PTPRD: variants seen among roughly 807,000 people sequenced by gnomAD.
PTPRD encodes receptor-type tyrosine-protein phosphatase delta.
A neutral mutation model predicts 214.5 loss-of-function variants in PTPRD; 34 were observed. The observed-to-expected ratio is 0.16, with a 90% CI of 0.12 to 0.21. PTPRD has a LOEUF of 0.21. Ranked by LOEUF, PTPRD falls within the 10% of genes least tolerant of loss-of-function variation. The pLI is 1.00. For synonymous variants in PTPRD, 1,128 were observed against 845.7 expected (o/e 1.33, Z -5.79); for missense variants, 2,545 against 2,398.7 (o/e 1.06, Z -1.27).
chr9:10,281,654 T>C (rs560174505), intron 3 of PTPRD, among the ~76,000 whole-genome samples: 1 of 152,318 alleles, frequency 6.6e-6, no homozygotes, highest in South Asian at 2.1e-4. Flanking sequence ...TAATAGACCA[T>C]ACATATGTAA....
At chr9:8,776,887 ATAT>A (rs1447388282) in intron 11 of PTPRD, among the ~76,000 whole-genome samples, 2 of 135,232 alleles carry the variant, frequency 1.5e-5, no homozygotes, top group Admixed American at 7.8e-5. Context: ...TAGTATATGA[ATAT>A]TATATAATAC....
intron 7 of PTPRD, among the ~76,000 whole-genome samples, chr9:9,603,142 T>G (rs551883269): frequency 6.6e-6 from 1 of 152,044 alleles, no homozygotes; most frequent in African/African-American, 2.4e-5. Flanking sequence ...AATGCATAAG[T>G]GAGATAAATT....
Position 8,407,491 on chromosome 9 carries a change from G to A in PTPRD, c.4087-2831C>T, listed in dbSNP as rs562033706. Reference sequence around the variant, plus strand: ...GTCTGTGTGATTCCAAAGCTCAACTGATAATTAACAGCTGGTAACGACTAA... The same window carrying A: ...GTCTGTGTGATTCCAAAGCTCAACTAATAATTAACAGCTGGTAACGACTAA... On this transcript the variant is annotated intron_variant, in intron 35 of 45. Coordinates refer to ENST00000381196, the MANE Select transcript of PTPRD (RefSeq NM_002839.4). 7.9e-5 allele frequency among the ~76,000 whole-genome samples: 12 copies of A among 152,244 alleles called. No individual in the cohort carries two copies. The East Asian group carries it at 2.3e-3, about 29-fold the overall frequency.
At chr9:9,318,701 T>C (rs1411852955) in intron 9 of PTPRD, among the ~76,000 whole-genome samples, 2 of 152,202 alleles carry the variant, frequency 1.3e-5, no homozygotes, top group African/African-American at 4.8e-5. Context: ...CCTATGTTTT[T>C]TAATACAACA....
chr9:9,572,015 A>C (rs976677029), intron 8 of PTPRD, among the ~76,000 whole-genome samples: 1 of 151,262 alleles, frequency 6.6e-6, no homozygotes, highest in East Asian at 1.9e-4. Flanking sequence ...AAAATATCTT[A>C]AATAGGACAT....
At chr9:10,553,415 C>T (rs1590762836) in intron 2 of PTPRD, among the ~76,000 whole-genome samples, 1 of 150,418 alleles carries the variant, frequency 6.6e-6, no homozygotes, top group Admixed American at 6.6e-5. Context: ...AAATAGTTCA[C>T]AAAAAATAAT....
intron 7 of PTPRD, among the ~76,000 whole-genome samples, chr9:9,699,912 AC>A (rs2154411214): frequency 6.6e-6 from 1 of 152,292 alleles, no homozygotes; most frequent in African/African-American, 2.4e-5. Flanking sequence ...TTGTGAGATA[AC>A]CCTGTACAGC....
At chr9:9,311,163 T>C (rs993161563) in intron 9 of PTPRD, among the ~76,000 whole-genome samples, 2 of 152,042 alleles carry the variant, frequency 1.3e-5, no homozygotes, top group African/African-American at 4.8e-5. Flanking sequence ...TTTCATGAAA[T>C]TATCTCAGAA....
At chr9:8,533,720 A>T (rs746417732) in intron 14 of PTPRD, among the ~76,000 whole-genome samples, 1 of 152,012 alleles carries the variant, frequency 6.6e-6, no homozygotes, top group Non-Finnish European at 1.5e-5. Context: ...GAACTCTTAC[A>T]AGCTCACAGG....
At chr9:10,359,620 TG>T (rs1437671167) in intron 2 of PTPRD, among the ~76,000 whole-genome samples, 2 of 152,104 alleles carry the variant, frequency 1.3e-5, no homozygotes, top group Non-Finnish European at 2.9e-5. Flanking sequence ...GGCAGTGTAA[TG>T]GGTTGAACAT....
chr9:9,161,407 C>T (rs976749055), intron 10 of PTPRD, among the ~76,000 whole-genome samples: 1 of 151,988 alleles, frequency 6.6e-6, no homozygotes, highest in African/African-American at 2.4e-5. Context: ...ATATGGGGCA[C>T]TTTTTCTTTT....
chr9:10,508,045 A>T (rs538495010), intron 2 of PTPRD, among the ~76,000 whole-genome samples: 1 of 151,992 alleles, frequency 6.6e-6, no homozygotes, highest in East Asian at 1.9e-4. Flanking sequence ...TTTGCAATCT[A>T]CTTATCTGAC....
At chr9:8,969,536 C>A (rs2099223156) in intron 11 of PTPRD, among the ~76,000 whole-genome samples, 1 of 151,852 alleles carries the variant, frequency 6.6e-6, no homozygotes, top group South Asian at 2.1e-4. Flanking sequence ...TAACATACAT[C>A]CAGCAATATG....
At chr9:10,204,379 C>A (rs1211888585) in intron 3 of PTPRD, among the ~76,000 whole-genome samples, 3 of 152,080 alleles carry the variant, frequency 2.0e-5, no homozygotes, top group African/African-American at 7.2e-5. Flanking sequence ...TTTGAAAAAT[C>A]CTCTAAATAC....
At chr9:9,652,454 T>C (rs989892336) in intron 7 of PTPRD, among the ~76,000 whole-genome samples, 6 of 152,206 alleles carry the variant, frequency 3.9e-5, no homozygotes, top group African/African-American at 1.4e-4. Context: ...TTTAGAGTTC[T>C]TGATATCACC....
intron 37 of PTPRD, among the ~76,000 whole-genome samples, chr9:8,386,032 T>C (rs950308924): frequency 6.6e-6 from 1 of 152,220 alleles, no homozygotes; most frequent in African/African-American, 2.4e-5. Context: ...AAGTTGTCAC[T>C]GTAAAGCCCC....
intron 9 of PTPRD, among the ~76,000 whole-genome samples, chr9:9,269,787 T>C (rs1474284634): frequency 6.6e-6 from 1 of 151,196 alleles, no homozygotes; most frequent in African/African-American, 2.4e-5. Context: ...ATTCCACTTA[T>C]ACATGCAATC....
At chr9:9,117,019 T>C (rs978194769) in intron 10 of PTPRD, among the ~76,000 whole-genome samples, 2 of 151,980 alleles carry the variant, frequency 1.3e-5, no homozygotes, top group African/African-American at 4.8e-5. Context: ...GAGCGTGAGA[T>C]GGGAGAAACA....
chr9:8,433,068 T>C (rs1254631671), intron 35 of PTPRD, among the ~76,000 whole-genome samples: 1 of 152,250 alleles, frequency 6.6e-6, no homozygotes, highest in Non-Finnish European at 1.5e-5. Context: ...CAACTGAGAT[T>C]GCTTGAGTGA....
Sources: allele counts gnomAD v4.1 joint callset (sites outside exome capture counted in the v4.1 genomes callset), GRCh38; gene constraint gnomAD v4.1.1; transcripts MANE v1.5; gene names NCBI Gene and HGNC (gene_info 2026-07-23, HGNC 2026-07-21).